PTPRD: variants seen among roughly 807,000 people sequenced by gnomAD.
PTPRD encodes the protein receptor-type tyrosine-protein phosphatase delta.
In PTPRD, 34 loss-of-function variants were observed where a neutral mutation model predicts 214.5. That is an observed-to-expected ratio of 0.16 (90% CI 0.12 to 0.21). The LOEUF (loss-of-function observed/expected upper bound fraction) is 0.21. Ranked by LOEUF, PTPRD falls within the 10% of genes least tolerant of loss-of-function variation. PTPRD has a pLI of 1.00. For synonymous variants in PTPRD, 1,128 were observed against 845.7 expected (o/e 1.33, Z -5.79); for missense variants, 2,545 against 2,398.7 (o/e 1.06, Z -1.27).
At chr9:8,482,354 C>T (rs2096905478) in intron 30 of PTPRD, among the ~76,000 whole-genome samples, 2 of 152,214 alleles carry the variant, frequency 1.3e-5, no homozygotes, top group East Asian at 1.9e-4. Context: ...TCATCATCAT[C>T]TTCCTTTAGA....
chr9:8,484,605 G>GATATATATATATATATATATATAT lies in PTPRD; in HGVS notation c.3154-228_3154-227insATATATATATATATATATATATAT, dbSNP rs1392070274. On this transcript the variant is annotated intron_variant, in intron 29 of 45. Transcript: ENST00000381196. ...TCCAAGTCTATCAAAAATACACAAA[G>GATATATATATATATATATATATAT]ATAGATATATACATATATATATATA... Among the ~76,000 whole-genome samples the GATATATATATATATATATATATAT allele has an allele frequency of 2.7e-4, 33 of 121,496 alleles. 1 individual carries two copies. The highest frequency in any genetic ancestry group is 1.0e-3 in the African/African-American group (29 of 27,768). 79.7% of individuals were successfully genotyped at this position (121,496 alleles called of 152,430 possible).
At chr9:8,758,885 C>T (rs1174620452) in intron 11 of PTPRD, among the ~76,000 whole-genome samples, 1 of 151,942 alleles carries the variant, frequency 6.6e-6, no homozygotes, top group Admixed American at 6.6e-5. Flanking sequence ...CGGGGTTTCA[C>T]CCTGTTAGCC....
chr9:9,794,499 GTA>G (rs1565319202), intron 5 of PTPRD, among the ~76,000 whole-genome samples: 1 of 145,648 alleles, frequency 6.9e-6, no homozygotes. Context: ...GGCATGGGGG[GTA>G]TATGTAGATG....
intron 10 of PTPRD, among the ~76,000 whole-genome samples, chr9:9,108,286 T>C (rs1289006145): frequency 2.0e-5 from 3 of 152,186 alleles, no homozygotes; most frequent in Admixed American, 1.3e-4. Flanking sequence ...AATGTAGCTA[T>C]AATCTGTTTC....
intron 2 of PTPRD, among the ~76,000 whole-genome samples, chr9:10,578,045 G>A (rs2070147636): frequency 6.6e-6 from 1 of 151,796 alleles, no homozygotes; most frequent in African/African-American, 2.4e-5. Context: ...CTAAGTAGCT[G>A]GGATTACAGG....
At chr9:9,796,903 G>T (rs928169151) in intron 5 of PTPRD, among the ~76,000 whole-genome samples, 2 of 152,056 alleles carry the variant, frequency 1.3e-5, no homozygotes, top group African/African-American at 4.8e-5. Context: ...ACACCATTAC[G>T]TCATTGCCAC....
chr9:9,648,643 G>C (rs1449188403), intron 7 of PTPRD, among the ~76,000 whole-genome samples: 14 of 152,258 alleles, frequency 9.2e-5, no homozygotes, highest in African/African-American at 3.4e-4. Flanking sequence ...ACTACACTAA[G>C]GAGTTGTAGC....
chr9:9,489,667 G>A (rs1329958488), intron 8 of PTPRD, among the ~76,000 whole-genome samples: 1 of 152,078 alleles, frequency 6.6e-6, no homozygotes, highest in African/African-American at 2.4e-5. Context: ...ATTTGATTAG[G>A]TAGAAGAATC....
intron 9 of PTPRD, among the ~76,000 whole-genome samples, chr9:9,352,323 ATATATGTGTGTG>A (rs928399316): frequency 2.7e-5 from 3 of 110,436 alleles, no homozygotes; most frequent in African/African-American, 8.6e-5. Context: ...ATATATATAT[ATATATGTGTGTG>A]TGTGTGTGTG....
At chr9:10,351,118 A>G (rs1478762665) in intron 2 of PTPRD, among the ~76,000 whole-genome samples, 2 of 152,140 alleles carry the variant, frequency 1.3e-5, no homozygotes, top group Non-Finnish European at 2.9e-5. Context: ...ATAAAGTGTT[A>G]AAGAATTGTA....
chr9:10,377,634 T>C (rs1266823429), intron 2 of PTPRD, among the ~76,000 whole-genome samples: 1 of 152,090 alleles, frequency 6.6e-6, no homozygotes, highest in Non-Finnish European at 1.5e-5. Context: ...TCATTTTTTA[T>C]GGCTGCATAG....
chr9:8,786,681 C>T (rs2095992072), intron 11 of PTPRD, among the ~76,000 whole-genome samples: 1 of 150,868 alleles, frequency 6.6e-6, no homozygotes, highest in South Asian at 2.1e-4. Flanking sequence ...TCCTAAAGTG[C>T]TGGGATTACA....
chr9:8,384,817 C>G (rs1018010555), intron 37 of PTPRD, among the ~76,000 whole-genome samples: 1 of 152,208 alleles, frequency 6.6e-6, no homozygotes. Flanking sequence ...TGAGCCACCG[C>G]ACCTGGCCCG....
At chr9:9,873,365 C>T (rs928583149) in intron 5 of PTPRD, among the ~76,000 whole-genome samples, 5 of 152,034 alleles carry the variant, frequency 3.3e-5, no homozygotes, top group African/African-American at 1.2e-4. Flanking sequence ...ATGAAATAAT[C>T]CTTAAAGCAC....
At chr9:9,098,220 C>T (rs896247380) in intron 10 of PTPRD, among the ~76,000 whole-genome samples, 12 of 151,990 alleles carry the variant, frequency 7.9e-5, no homozygotes, top group African/African-American at 2.9e-4. Context: ...TGCTCTCTTG[C>T]CTCCTATTTT....
intron 3 of PTPRD, among the ~76,000 whole-genome samples, chr9:10,228,724 A>C (rs1185244642): frequency 4.0e-5 from 6 of 149,706 alleles, no homozygotes; most frequent in Admixed American, 6.7e-5. Flanking sequence ...TTATATGTAT[A>C]AATTACATAT....
In PTPRD at chr9:8,947,627, C is replaced by T. The variant is rs2099074154; in HGVS notation, c.-104+71070G>A. On this transcript the variant is annotated intron_variant, in intron 11 of 45. Transcript: ENST00000381196. ...ATAGGAAATAAATTCTTCTTAGGGT[C>T]CAGATGAACTCCTAGAGTTCTGTGC... 1.3e-5 allele frequency among the ~76,000 whole-genome samples: 2 copies of T among 151,968 alleles called. 1 individual carries two copies. The highest frequency in any genetic ancestry group is 4.2e-4 in the South Asian group (2 of 4,810).
intron 3 of PTPRD, among the ~76,000 whole-genome samples, chr9:10,335,496 A>T (rs2096828943): frequency 6.6e-6 from 1 of 151,804 alleles, no homozygotes. Context: ...TGAAACTCTT[A>T]CAAGATATCA....
intron 4 of PTPRD, among the ~76,000 whole-genome samples, chr9:10,031,647 T>TATATATATATATATATATATACACACAC: frequency 3.3e-5 from 3 of 89,650 alleles, no homozygotes; most frequent in East Asian, 9.4e-4. Flanking sequence ...TATATATATA[T>TATATATATATATATATATATACACACAC]ACACACACAC....
Sources: allele counts gnomAD v4.1 joint callset (sites outside exome capture counted in the v4.1 genomes callset), GRCh38; gene constraint gnomAD v4.1.1; transcripts MANE v1.5; gene names NCBI Gene and HGNC (gene_info 2026-07-23, HGNC 2026-07-21).